LRRC7: variants seen among roughly 807,000 people sequenced by gnomAD.
LRRC7 encodes leucine-rich repeat-containing protein 7.
A neutral mutation model predicts 175.7 loss-of-function variants in LRRC7; 23 were observed. That is an observed-to-expected ratio of 0.13 (90% CI 0.09 to 0.19). The LOEUF is 0.19. Among genes scored for constraint, LRRC7 ranks in the 10% least tolerant of loss-of-function variants. The pLI is 1.00. For missense variants in LRRC7, 1,354 were observed against 1,904.7 expected, an observed-to-expected ratio of 0.71 and a Z score of 5.38; for synonymous variants, 685 against 680.9, an observed-to-expected ratio of 1.01 and a Z score of -0.09.
chr1:70,078,886 CAG>C (rs1663011251), intron 24 of LRRC7, among the ~76,000 whole-genome samples: 2 of 151,050 alleles, frequency 1.3e-5, no homozygotes, highest in South Asian at 4.2e-4. Flanking sequence ...GGTATAGAAA[CAG>C]AAAACAGTAG....
chr1:69,639,845 A>G (rs58871295), intron 1 of LRRC7, among the ~76,000 whole-genome samples: 3,657 of 151,884 alleles, frequency 0.024, 126 homozygotes, highest in African/African-American at 0.083. Context: ...TTCAAGAATC[A>G]TAGTTACCAG....
intron 14 of LRRC7, among the ~76,000 whole-genome samples, chr1:70,017,517 A>C (rs1421011574): frequency 6.6e-6 from 1 of 152,104 alleles, no homozygotes. Context: ...TGTGATCCTT[A>C]AATTTTGAAA....
At chr1:70,085,760 GT>G in intron 24 of LRRC7, among the ~76,000 whole-genome samples, 1 of 151,992 alleles carries the variant, frequency 6.6e-6, no homozygotes, top group Non-Finnish European at 1.5e-5. Flanking sequence ...CTTTCCTGCT[GT>G]TTTCCACAGT....
intron 21 of LRRC7, among the ~76,000 whole-genome samples, chr1:70,041,962 A>G (rs1024984988): frequency 7.9e-5 from 12 of 152,234 alleles, no homozygotes; most frequent in Non-Finnish European, 4.4e-5. Flanking sequence ...TTTCATTGCT[A>G]TGATGACACT....
chr1:69,725,080 T>A (rs990925296), intron 2 of LRRC7, among the ~76,000 whole-genome samples: 13 of 152,072 alleles, frequency 8.5e-5, no homozygotes, highest in African/African-American at 3.1e-4. Context: ...TATACATGTT[T>A]TATATATATA....
chr1:69,839,083 AT>A, intron 7 of LRRC7: 1 of 292,034 alleles, frequency 3.4e-6, no homozygotes, highest in Non-Finnish European at 6.9e-6. Context: ...ACAGTGAATA[AT>A]TTTTTAAACA....
chr1:69,984,361 T>A (rs1372130339), intron 9 of LRRC7, among the ~76,000 whole-genome samples: 2 of 152,152 alleles, frequency 1.3e-5, no homozygotes, highest in African/African-American at 4.8e-5. Context: ...AGTGCGAGCT[T>A]GTGTGTATGT....
chr1:70,070,293 G>T (rs1449061127), intron 23 of LRRC7, among the ~76,000 whole-genome samples: 1 of 152,034 alleles, frequency 6.6e-6, no homozygotes, highest in African/African-American at 2.4e-5. Flanking sequence ...CAATGCCCGG[G>T]ATCTTTGCTG....
intron 2 of LRRC7, among the ~76,000 whole-genome samples, chr1:69,688,465 C>T (rs1292468401): frequency 6.6e-6 from 1 of 152,066 alleles, no homozygotes; most frequent in Non-Finnish European, 1.5e-5. Flanking sequence ...TGATGGTTTG[C>T]ATAACTGGAA....
chr1:69,821,428 A>AT (rs1297203625), intron 4 of LRRC7, among the ~76,000 whole-genome samples: 24 of 151,458 alleles, frequency 1.6e-4, no homozygotes, highest in Non-Finnish European at 8.8e-5. Flanking sequence ...AATTTCTGGG[A>AT]TTTTTTTAAT....
intron 8 of LRRC7, among the ~76,000 whole-genome samples, chr1:69,937,384 A>C (rs1441990185): frequency 1.3e-5 from 2 of 152,090 alleles, no homozygotes; most frequent in East Asian, 3.9e-4. Context: ...CAAGTACTAA[A>C]TTCTATGGGC....
At chr1:69,720,149 T>A (rs887450749) in intron 2 of LRRC7, among the ~76,000 whole-genome samples, 6 of 151,736 alleles carry the variant, frequency 4.0e-5, no homozygotes, top group Admixed American at 1.3e-4. Flanking sequence ...ATGTTACTAT[T>A]TATTTTCTCT....
At chr1:69,847,386 T>C (rs1682486938) in intron 7 of LRRC7, among the ~76,000 whole-genome samples, 1 of 152,178 alleles carries the variant, frequency 6.6e-6, no homozygotes. Context: ...ATTACCTCTG[T>C]GCTGATGAGC....
intron 17 of LRRC7, 129 bp from the exon 18 acceptor site, chr1:70,028,040 CAG>C (rs1658311970): frequency 1.3e-6 from 1 of 776,894 alleles, no homozygotes; most frequent in Admixed American, 2.5e-5. Flanking sequence ...TACTCTATAA[CAG>C]AGTTTCTCAG....
Position 70,039,106 on chromosome 1 carries a change from C to T in LRRC7, c.3282C>T (p.Pro1094=), listed in dbSNP as rs140095753. Residue 1094 remains proline, a synonymous_variant, in exon 21 of 27, where the codon CCC becomes CCT. Coordinates refer to ENST00000651989, the MANE Select transcript of LRRC7 (RefSeq NM_001370785.2). ...KRIPPPFQHN[P]EYVQQASKNI... ...TACCACCCCCTTTTCAACACAATCC[C>T]GAGTACGTGCAACAGGCCAGCAAAA... 4.7e-4 allele frequency: 759 copies of T among 1,614,064 alleles called. 4 individuals are homozygous for T. Among genetic ancestry groups the T allele is most frequent in the South Asian group, 4.1e-3 (374 of 91,052 alleles).
Position 69,635,159 on chromosome 1 carries a change from T to C in LRRC7, c.3-43222T>C, listed in dbSNP as rs573409235. On this transcript the variant is annotated intron_variant, in intron 1 of 26. Coordinates refer to ENST00000651989, the MANE Select transcript of LRRC7 (RefSeq NM_001370785.2). ...GCTCTCATCATTTAGCTCCCACTTA[T>C]AAATGAGAACATGCAGTGTTTGGTT... Among the ~76,000 whole-genome samples the C allele has an allele frequency of 1.8e-3, 268 of 152,174 alleles. 1 individual carries two copies. The highest frequency in any genetic ancestry group is 6.2e-3 in the African/African-American group (256 of 41,554).
chr1:69,746,422 T>C (rs919073394), intron 2 of LRRC7, among the ~76,000 whole-genome samples: 4 of 152,276 alleles, frequency 2.6e-5, no homozygotes, highest in African/African-American at 9.6e-5. Context: ...CTTATTGGTT[T>C]TGTTCTCTCT....
chr1:69,730,441 C>T (rs1462146824), intron 2 of LRRC7, among the ~76,000 whole-genome samples: 1 of 152,266 alleles, frequency 6.6e-6, no homozygotes, highest in East Asian at 1.9e-4. Flanking sequence ...CAAAGTTCCA[C>T]AGATCTCAAG....
Position 70,124,350 on chromosome 1 carries a change from C to A in LRRC7, c.*2463C>A, listed in dbSNP as rs189293872. The stretch of plus-strand genomic sequence containing the variant: ...CAGCCTGGCCAACATGGTGAAACGC[C>A]ATCTCTACTAAAAATACAAAAATTA... On this transcript the variant is annotated 3_prime_UTR_variant, in exon 27 of 27. Transcript: ENST00000651989. Among the ~76,000 whole-genome samples the A allele has an allele frequency of 1.5e-3, 233 of 152,134 alleles. 1 individual carries two copies. Among genetic ancestry groups the A allele is most frequent in the Admixed American group, 0.013 (193 of 15,278 alleles).
Sources: gnomAD v4.1 joint callset for allele counts (sites outside exome capture counted in the v4.1 genomes callset) on GRCh38, gnomAD v4.1.1 for gene constraint, MANE v1.5 for transcripts, NCBI Gene and HGNC (gene_info 2026-07-23, HGNC 2026-07-21) for gene names.